NAF1: variants seen among roughly 807,000 people sequenced by gnomAD.
NAF1 encodes the protein nuclear assembly factor 1 ribonucleoprotein.
NAF1 carries 11 observed loss-of-function variants against 40.6 expected under a neutral mutation model. That is an observed-to-expected ratio of 0.27 (90% confidence interval 0.17 to 0.45). The LOEUF is 0.45. Ranked by LOEUF, NAF1 falls within the 20% of genes least tolerant of loss-of-function variation. The probability of loss-of-function intolerance (pLI) is 1.00; values close to 1 mark genes in which losing one functional copy is unlikely to be tolerated. For synonymous variants in NAF1, 260 were observed against 228.5 expected (o/e 1.14, Z -1.24); for missense variants, 607 against 611.1 (o/e 0.99, Z 0.07).
chr4:163,132,949 GTC>G (rs1389919655), intron 7 of NAF1, among the ~76,000 whole-genome samples: 1 of 152,240 alleles, frequency 6.6e-6, no homozygotes, highest in Non-Finnish European at 1.5e-5. Flanking sequence ...ACAAGGTTTA[GTC>G]TCTCTGTTAC....
chr4:163,114,921 A>C (rs6819964), intron 2 of NAF1, among the ~76,000 whole-genome samples: 55,271 of 151,982 alleles, frequency 0.36, 11,268 homozygotes, highest in East Asian at 0.62. Flanking sequence ...CTGATAATTT[A>C]TTCCTTTTTG....
chr4:163,118,174 A>G (rs2110826980), intron 2 of NAF1, among the ~76,000 whole-genome samples: 1 of 152,270 alleles, frequency 6.6e-6, no homozygotes, highest in African/African-American at 2.4e-5. Flanking sequence ...ATCCACACAT[A>G]TAAACCACTA....
intron 2 of NAF1, among the ~76,000 whole-genome samples, chr4:163,153,229 C>G (rs1048836112): frequency 7.2e-5 from 11 of 152,202 alleles, no homozygotes; most frequent in African/African-American, 1.2e-4. Flanking sequence ...CTGAGGAGTA[C>G]GAGCGCATGG....
downstream of NAF1, among the ~76,000 whole-genome samples, chr4:163,125,004 G>C (rs575754139): frequency 1.3e-5 from 2 of 152,100 alleles, no homozygotes; most frequent in African/African-American, 4.8e-5. Flanking sequence ...GTGTTATAGC[G>C]ATCTCAATCA....
downstream of NAF1, among the ~76,000 whole-genome samples, chr4:163,121,915 T>C (rs1225313905): frequency 6.6e-6 from 1 of 152,172 alleles, no homozygotes; most frequent in Non-Finnish European, 1.5e-5. Flanking sequence ...CTGATTTGAG[T>C]CATCCAGAGG....
intron 1 of NAF1, among the ~76,000 whole-genome samples, chr4:163,165,816 A>C (rs1040784469): frequency 1.3e-5 from 2 of 152,218 alleles, no homozygotes; most frequent in Admixed American, 6.5e-5. Flanking sequence ...AAGAAGCATA[A>C]GATACTACTA....
chr4:163,161,903 CCTTT>C (rs1366450619), intron 2 of NAF1, among the ~76,000 whole-genome samples: 7 of 152,144 alleles, frequency 4.6e-5, no homozygotes, highest in East Asian at 1.9e-4. Flanking sequence ...ATTCACACTC[CCTTT>C]CTGTCAACTG....
chr4:163,127,077 T>G, downstream of NAF1: 1 of 1,551,686 alleles, frequency 6.4e-7, no homozygotes, highest in Non-Finnish European at 8.7e-7. Context: ...TGCAATGGTC[T>G]GGATCCGAGG....
At chr4:163,159,121 A>G (rs569267422) in intron 2 of NAF1, among the ~76,000 whole-genome samples, 31 of 152,250 alleles carry the variant, frequency 2.0e-4, no homozygotes, top group Non-Finnish European at 3.8e-4. Flanking sequence ...TAATAATTAT[A>G]TATGTATATA....
At chr4:163,131,209 C>A (rs1469557321) in intron 7 of NAF1, among the ~76,000 whole-genome samples, 1 of 152,086 alleles carries the variant, frequency 6.6e-6, no homozygotes, top group Non-Finnish European at 1.5e-5. Flanking sequence ...TTAGATAGGA[C>A]ATCAAAGGCA....
At chr4:163,154,408 G>A (rs1731881252) in intron 2 of NAF1, among the ~76,000 whole-genome samples, 1 of 152,130 alleles carries the variant, frequency 6.6e-6, no homozygotes, top group East Asian at 1.9e-4. Context: ...ATATGTAAGA[G>A]GTAAGTGAAA....
In NAF1 at chr4:163,166,889, A is replaced by C; in HGVS notation, c.-162T>G. On this transcript the variant is annotated 5_prime_UTR_variant, in exon 1 of 8. Transcript: ENST00000274054. ...ACTACACGCGGAGGAGCCAAAAGAC[A>C]CGCCCCCGCCATTTACGCAGCAACG... 1 of 947,470 alleles carries C rather than the reference A, an allele frequency of 1.1e-6. No homozygotes were observed. Among genetic ancestry groups the C allele is most frequent in the Non-Finnish European group, 1.5e-6 (1 of 659,094 alleles). 58.7% of individuals were successfully genotyped at this position (947,470 alleles called of 1,614,324 possible). A position where few individuals can be genotyped will look rare whatever the true frequency, so the allele number is the denominator to read the frequency against.
chr4:163,109,992 T>C, downstream of NAF1: 1 of 381,058 alleles, frequency 2.6e-6, no homozygotes, highest in Non-Finnish European at 4.7e-6. Context: ...CTCTCATTTT[T>C]ACCTTTGTTT....
intron 5 of NAF1, among the ~76,000 whole-genome samples, chr4:163,138,692 A>G (rs1241506962): frequency 6.6e-6 from 1 of 152,108 alleles, no homozygotes; most frequent in African/African-American, 2.4e-5. Flanking sequence ...TAATTTCCCA[A>G]TTCACTGATT....
intron 7 of NAF1, among the ~76,000 whole-genome samples, chr4:163,129,992 T>C (rs189069424): frequency 6.2e-4 from 94 of 152,208 alleles, no homozygotes; most frequent in Non-Finnish European, 1.1e-3. Context: ...TCTACCCTCA[T>C]CCAGCAGTAA....
intron 2 of NAF1, among the ~76,000 whole-genome samples, chr4:163,162,682 C>T (rs1489198384): frequency 1.3e-5 from 2 of 152,178 alleles, no homozygotes; most frequent in African/African-American, 2.4e-5. Context: ...TTTACAGCAC[C>T]TGGCAAATGG....
intron 2 of NAF1, among the ~76,000 whole-genome samples, chr4:163,152,873 G>C (rs1450914886): frequency 6.6e-6 from 1 of 152,242 alleles, no homozygotes; most frequent in Non-Finnish European, 1.5e-5. Context: ...AACCGGGGCT[G>C]CGCGCGGCGC....
At position 163,158,653 on chromosome 4, in the gene NAF1, CATA is replaced by C. The variant is rs1160633336; in HGVS notation, c.540+5561_540+5563del. On this transcript the variant is annotated intron_variant, in intron 2 of 7. Transcript: ENST00000274054. The stretch of plus-strand genomic sequence containing the variant: ...AATTACTGTTAAGAGAAACAAAGTT[CATA>C]ATACTTTCAAAATTTAATTTGCTTA... Among the ~76,000 whole-genome samples, 33 of 56,676 alleles carry C rather than the reference CATA, an allele frequency of 5.8e-4. No individual in the cohort carries two copies. The Admixed American group carries it at 6.2e-3, about 11-fold the overall frequency. The allele number at this position is 56,676 out of a possible 152,430, so 37.2% of individuals were successfully genotyped here.
At chr4:163,125,290 C>A (rs1730623403), downstream of NAF1, among the ~76,000 whole-genome samples, 1 of 152,224 alleles carries the variant, frequency 6.6e-6, no homozygotes, top group South Asian at 2.1e-4. Context: ...TTGAGGACAG[C>A]ATGTTGACAG....
Sources: gnomAD v4.1 joint callset for allele counts (sites outside exome capture counted in the v4.1 genomes callset) on GRCh38, gnomAD v4.1.1 for gene constraint, MANE v1.5 for transcripts, NCBI Gene and HGNC (gene_info 2026-07-23, HGNC 2026-07-21) for gene names.